The following FARS2 variants were observed in gnomAD, a reference collection of about 807,000 sequenced individuals.
The protein encoded by FARS2 is phenylalanine--tRNA ligase, mitochondrial.
FARS2 carries 40 observed loss-of-function variants against 46.4 expected under a neutral mutation model. The ratio of observed to expected loss-of-function variants is 0.86; its 90% CI spans 0.67 to 1.12. The LOEUF is 1.12. Ranked by LOEUF, FARS2 falls within the 50% of genes most tolerant of loss-of-function variation. The pLI is 0.00. For missense variants in FARS2, 513 were observed against 567.9 expected (o/e 0.90, Z 0.98); for synonymous variants, 234 against 214.9 (o/e 1.09, Z -0.78).
At chr6:5,563,523 C>G (rs1432810876) in intron 5 of FARS2, among the ~76,000 whole-genome samples, 1 of 152,140 alleles carries the variant, frequency 6.6e-6, no homozygotes, top group African/African-American at 2.4e-5. Context: ...ACATCATTCC[C>G]CCTGTGGAGA....
chr6:5,463,595 C>T (rs996696343), intron 4 of FARS2, among the ~76,000 whole-genome samples: 1 of 151,896 alleles, frequency 6.6e-6, no homozygotes, highest in Admixed American at 6.6e-5. Context: ...AAATTTTCAA[C>T]AATAATAGGT....
intron 5 of FARS2, among the ~76,000 whole-genome samples, chr6:5,604,026 A>G (rs947297100): frequency 2.0e-5 from 3 of 152,264 alleles, no homozygotes; most frequent in African/African-American, 7.2e-5. Flanking sequence ...GGTGAGGAGA[A>G]ACTGCCTCAT....
chr6:5,514,769 C>CT (rs748510419), intron 4 of FARS2, among the ~76,000 whole-genome samples: 8,264 of 143,342 alleles, frequency 0.058, 333 homozygotes, highest in African/African-American at 0.11. Context: ...ACATCTGTGG[C>CT]TTTTTTTTTT....
chr6:5,690,006 G>T (rs985243631), intron 6 of FARS2, among the ~76,000 whole-genome samples: 2 of 152,152 alleles, frequency 1.3e-5, no homozygotes, highest in African/African-American at 4.8e-5. Flanking sequence ...TTTTATCCAA[G>T]ACTAGGATTG....
In FARS2 at chr6:5,435,709, G is replaced by A. The variant is rs1025825905; in HGVS notation, c.904+4537G>A. Among the ~76,000 whole-genome samples, 33 of 152,136 alleles carry A rather than the reference G, an allele frequency of 2.2e-4. 1 individual carries two copies. The highest frequency in any genetic ancestry group is 2.0e-4 in the Admixed American group (3 of 15,278). On this transcript the variant is annotated intron_variant, in intron 4 of 6. Coordinates refer to ENST00000274680, the MANE Select transcript of FARS2 (RefSeq NM_006567.5). ...CTTTTCACATAGTAAATGGAGCACC[G>A]CGTCCAAAACCATCACTGGGACAAC...
At chr6:5,718,616 T>C (rs1303108772) in intron 6 of FARS2, among the ~76,000 whole-genome samples, 1 of 152,230 alleles carries the variant, frequency 6.6e-6, no homozygotes, top group East Asian at 1.9e-4. Context: ...AGCTCATTTT[T>C]TTTTTAAACC....
At chr6:5,375,377 G>A (rs919740581) in intron 2 of FARS2, among the ~76,000 whole-genome samples, 20 of 151,824 alleles carry the variant, frequency 1.3e-4, no homozygotes, top group Admixed American at 1.3e-3. Flanking sequence ...GATATTTATG[G>A]ATAAAATTAT....
At chr6:5,575,021 T>C (rs959898801) in intron 5 of FARS2, among the ~76,000 whole-genome samples, 2 of 152,198 alleles carry the variant, frequency 1.3e-5, no homozygotes, top group African/African-American at 4.8e-5. Flanking sequence ...AAGGGTGAGC[T>C]GTGTGTTGTT....
intron 1 of FARS2, among the ~76,000 whole-genome samples, chr6:5,337,446 A>G (rs1173311439): frequency 6.6e-6 from 1 of 152,154 alleles, no homozygotes; most frequent in African/African-American, 2.4e-5. Flanking sequence ...GGCATTTTAT[A>G]CTATTCAATC....
At chr6:5,450,627 C>T (rs1012142558) in intron 4 of FARS2, among the ~76,000 whole-genome samples, 13 of 152,110 alleles carry the variant, frequency 8.5e-5, no homozygotes, top group Non-Finnish European at 1.3e-4. Flanking sequence ...AGGTAAAATT[C>T]ATTCCTAGCT....
At chr6:5,444,466 CAAAAAAAA>C (rs751990577) in intron 4 of FARS2, among the ~76,000 whole-genome samples, 4 of 91,478 alleles carry the variant, frequency 4.4e-5, no homozygotes, top group East Asian at 3.5e-4. Context: ...GACTCTGTCT[CAAAAAAAA>C]AAAAAAAAAA....
chr6:5,417,933 A>G (rs767382002), intron 3 of FARS2, among the ~76,000 whole-genome samples: 12 of 150,906 alleles, frequency 8.0e-5, no homozygotes, highest in Non-Finnish European at 1.6e-4. Context: ...TTCCTTCTAT[A>G]TTGCATTTTG....
chr6:5,429,915 T>G (rs1763065936), intron 3 of FARS2, among the ~76,000 whole-genome samples: 1 of 149,508 alleles, frequency 6.7e-6, no homozygotes, highest in Admixed American at 6.7e-5. Flanking sequence ...CTGTGGGACT[T>G]TGGGCAAGAC....
At chr6:5,261,085 T>G (rs962862061), upstream of FARS2, 35 of 380,856 alleles carry the variant, frequency 9.2e-5, no homozygotes, top group Non-Finnish European at 1.3e-4. Context: ...TGGCCGCCCG[T>G]GCATCCAGCC....
intron 1 of FARS2, among the ~76,000 whole-genome samples, chr6:5,341,235 A>ATTTTTTTTTTTT (rs70974193): frequency 2.9e-4 from 3 of 10,274 alleles, no homozygotes; most frequent in African/African-American, 5.2e-4. Flanking sequence ...ATATATATAT[A>ATTTTTTTTTTTT]TTTTTTTTTT....
chr6:5,666,693 T>G (rs1042952129), intron 6 of FARS2, among the ~76,000 whole-genome samples: 15 of 152,192 alleles, frequency 9.9e-5, no homozygotes, highest in African/African-American at 3.6e-4. Flanking sequence ...AAAACAGAAC[T>G]AACATTTGAC....
chr6:5,754,971 A>T (rs747640464), intron 6 of FARS2, among the ~76,000 whole-genome samples: 1 of 152,110 alleles, frequency 6.6e-6, no homozygotes, highest in Non-Finnish European at 1.5e-5. Flanking sequence ...GTCTCTTTAG[A>T]TATTGCCTCT....
intron 1 of FARS2, among the ~76,000 whole-genome samples, chr6:5,350,357 G>GACAA (rs1561976692): frequency 6.6e-6 from 1 of 152,004 alleles, no homozygotes; most frequent in Non-Finnish European, 1.5e-5. Flanking sequence ...TGTTTGGAAA[G>GACAA]ACATTGTTTC....
chr6:5,734,035 A>T (rs1760798974), intron 6 of FARS2, among the ~76,000 whole-genome samples: 1 of 152,240 alleles, frequency 6.6e-6, no homozygotes, highest in African/African-American at 2.4e-5. Flanking sequence ...TAATCAAGGG[A>T]TCCAAGAGTG....
Sources: allele counts gnomAD v4.1 joint callset (sites outside exome capture counted in the v4.1 genomes callset), GRCh38; gene constraint gnomAD v4.1.1; transcripts MANE v1.5; gene names NCBI Gene and HGNC (gene_info 2026-07-23, HGNC 2026-07-21).